The following SKP1 variants were observed in gnomAD, a reference collection of about 807,000 sequenced individuals.
SKP1 encodes S-phase kinase-associated protein 1.
In SKP1, 1 loss-of-function variant was observed where a neutral mutation model predicts 21.5. That is an observed-to-expected ratio of 0.05 (90% CI 0.02 to 0.22). The LOEUF (loss-of-function observed/expected upper bound fraction) is 0.22. Ranked by LOEUF, SKP1 falls within the 10% of genes least tolerant of loss-of-function variation. The pLI, the probability that SKP1 is intolerant of heterozygous loss-of-function variation, is 1.00. For missense variants in SKP1, 70 were observed against 192.0 expected (o/e 0.36, Z 3.76); for synonymous variants, 59 against 59.3 (o/e 0.99, Z 0.03).
At chr5:134,173,880 C>G (rs1339240303) in intron 2 of SKP1, 46 bp downstream of exon 2, 1 of 1,030,948 alleles carries the variant, frequency 9.7e-7, no homozygotes, top group Admixed American at 1.7e-5. Flanking sequence ...CACAAACTAT[C>G]TCAAATTACA....
intron 2 of SKP1, among the ~76,000 whole-genome samples, chr5:134,169,746 A>G (rs1273771607): frequency 6.6e-6 from 1 of 152,218 alleles, no homozygotes. Context: ...TCACGCCTGT[A>G]ATCCCAGCAC....
chr5:134,165,184 G>A (rs1301146930), intron 3 of SKP1, among the ~76,000 whole-genome samples: 1 of 152,228 alleles, frequency 6.6e-6, no homozygotes, highest in East Asian at 1.9e-4. Context: ...CACTGTGAAT[G>A]TAATTAATGT....
chr5:134,173,844 G>A (rs1245314332), intron 2 of SKP1, 82 bp downstream of exon 2: 1 of 820,746 alleles, frequency 1.2e-6, no homozygotes, highest in African/African-American at 1.7e-5. Context: ...CTTATGACAG[G>A]CTGCTGCTCA....
chr5:134,173,764 G>A (rs1265403953), intron 2 of SKP1, 162 bp downstream of exon 2: 4 of 696,942 alleles, frequency 5.7e-6, no homozygotes, highest in South Asian at 1.5e-5. Context: ...CAGAAAGGAT[G>A]ACCTGTATCA....
At chr5:134,161,220 T>A (rs1761212811) in intron 3 of SKP1, 90 bp from the exon 4 acceptor site, 2 of 1,161,894 alleles carry the variant, frequency 1.7e-6, no homozygotes, top group Admixed American at 5.3e-5. Context: ...ATTGGAATAA[T>A]AACTAGCTAG....
chr5:134,161,147 T>C lies in SKP1; in HGVS notation c.172-17A>G. On this transcript the variant is annotated splice_polypyrimidine_tract_variant and intron_variant, in intron 3 of 5. Transcript: ENST00000353411. ...CTGAATGACCTACAACAACAAAAGTTCATTCCTCTGTGGCACTTTGTCACA... is the reference window on the plus strand; with the variant it reads ...CTGAATGACCTACAACAACAAAAGTCCATTCCTCTGTGGCACTTTGTCACA... The C allele has an allele frequency of 1.3e-6, 2 of 1,578,398 alleles. No homozygotes were observed. Among genetic ancestry groups the C allele is most frequent in the Non-Finnish European group, 1.7e-6 (2 of 1,160,122 alleles).
chr5:134,170,118 C>T (rs1005150398), intron 2 of SKP1, among the ~76,000 whole-genome samples: 13 of 152,046 alleles, frequency 8.6e-5, no homozygotes, highest in Middle Eastern at 6.8e-3. Context: ...GCAGTGAGCC[C>T]GAGATTGCGC....
At chr5:134,168,640 T>C (rs1761379862) in intron 2 of SKP1, among the ~76,000 whole-genome samples, 1 of 151,726 alleles carries the variant, frequency 6.6e-6, no homozygotes, top group South Asian at 2.1e-4. Flanking sequence ...CTGGACAAGG[T>C]TTGTAGCTAA....
rs573040984 is a variant in SKP1, at chr5:134,156,073, G to C, written c.*1660C>G. 1 of 151,706 alleles carries C rather than the reference G, an allele frequency of 6.6e-6. No individual in the cohort carries two copies. Among genetic ancestry groups the C allele is most frequent in the South Asian group, 2.1e-4 (1 of 4,812 alleles). 9.4% of individuals were successfully genotyped at this position (151,706 alleles called of 1,614,324 possible). On this transcript the variant is annotated 3_prime_UTR_variant, in exon 6 of 6. Coordinates refer to ENST00000353411, the MANE Select transcript of SKP1 (RefSeq NM_170679.3). ...GTCCTCCCAAAATGTTGAGATTACAGGCATAAGCCACCATGCCCAGCTGCT... is the reference window on the plus strand; with the variant it reads ...GTCCTCCCAAAATGTTGAGATTACACGCATAAGCCACCATGCCCAGCTGCT...
rs1761096368 is a variant in SKP1, at chr5:134,154,688, C to T, written c.*3045G>A. ...AGCAGCATGTTGTTTACAGAGGAAA[C>T]CGACAAACATCCTTCAATCACCCAA... On this transcript the variant is annotated 3_prime_UTR_variant, in exon 6 of 6. Transcript: ENST00000353411. 1 of 152,102 alleles carries T rather than the reference C, an allele frequency of 6.6e-6. No homozygotes were observed. The highest frequency in any genetic ancestry group is 2.4e-5 in the African/African-American group (1 of 41,416). The allele number at this position is 152,102 out of a possible 1,614,324, so 9.4% of individuals were successfully genotyped here. A position where few individuals can be genotyped will look rare whatever the true frequency, so the allele number is the denominator to read the frequency against.
chr5:134,171,872 T>G (rs544322196), intron 2 of SKP1, among the ~76,000 whole-genome samples: 1 of 152,212 alleles, frequency 6.6e-6, no homozygotes, highest in East Asian at 1.9e-4. Flanking sequence ...TGGAGAAACC[T>G]CGTCTCTACT....
chr5:134,167,024 C>T, intron 3 of SKP1, 146 bp downstream of exon 3: 1 of 593,392 alleles, frequency 1.7e-6, no homozygotes, highest in South Asian at 2.2e-5. Flanking sequence ...AAACATCACT[C>T]AAGTAAGTGT....
chr5:134,169,273 G>A (rs1417447881), intron 2 of SKP1, among the ~76,000 whole-genome samples: 2 of 152,116 alleles, frequency 1.3e-5, no homozygotes, highest in African/African-American at 4.8e-5. Context: ...ATGTTATCTT[G>A]CATGGATGGA....
rs1580623110 is a variant in SKP1, at chr5:134,172,589, T to A, written c.97+1337A>T. Among the ~76,000 whole-genome samples the A allele has an allele frequency of 2.1e-5, 3 of 142,804 alleles. No individual in the cohort carries two copies. The Admixed American group carries it at 2.1e-4, about 10-fold the overall frequency. The allele number at this position is 142,804 out of a possible 152,430, so 93.7% of individuals were successfully genotyped here. A position where few individuals can be genotyped will look rare whatever the true frequency, so the allele number is the denominator to read the frequency against. ...GCTTGTTTAAAAAAAAAAAAAAAAA[T>A]TCTGCCTGGCAGAGTGGCTCATGCC... On this transcript the variant is annotated intron_variant, in intron 2 of 5. Transcript: ENST00000353411.
intron 1 of SKP1, among the ~76,000 whole-genome samples, chr5:134,176,335 G>A (rs1761545685): frequency 6.6e-6 from 1 of 152,130 alleles, no homozygotes. Context: ...CGCCAGACAC[G>A]GTGGAGAAAG....
At chr5:134,157,868 C>T (rs1399089420) in intron 5 of SKP1, 100 bp from the exon 6 acceptor site, 3 of 1,606,764 alleles carry the variant, frequency 1.9e-6, no homozygotes, top group Non-Finnish European at 2.5e-6. Flanking sequence ...TGAGTTGAGT[C>T]AGAAGAACAG....
At chr5:134,172,791 T>C (rs982526799) in intron 2 of SKP1, among the ~76,000 whole-genome samples, 2 of 151,908 alleles carry the variant, frequency 1.3e-5, no homozygotes, top group African/African-American at 4.8e-5. Context: ...GGCGGGTGGA[T>C]CGCAAGGTCA....
intron 1 of SKP1, chr5:134,174,885 A>C (rs1378299079): frequency 1.3e-5 from 2 of 152,194 alleles, no homozygotes; most frequent in Non-Finnish European, 2.9e-5. Flanking sequence ...TTAAAAAAGA[A>C]AACATACAAA....
Position 134,151,561 on chromosome 5 carries a change from G to C in SKP1, c.*6172C>G. ...TGAGAGCACTTTAAGGAAATAAGCT[G>C]ATCCTCAGTGTGCAATAAGAGGCTG... On this transcript the variant is annotated 3_prime_UTR_variant, in exon 6 of 6. Coordinates refer to ENST00000353411, the MANE Select transcript of SKP1 (RefSeq NM_170679.3). 1 of 399,054 alleles carries C rather than the reference G, an allele frequency of 2.5e-6. No homozygotes were observed. Among genetic ancestry groups the C allele is most frequent in the East Asian group, 7.3e-5 (1 of 13,778 alleles). The allele number at this position is 399,054 out of a possible 1,614,324, so 24.7% of individuals were successfully genotyped here. A position where few individuals can be genotyped will look rare whatever the true frequency, so the allele number is the denominator to read the frequency against.
Sources: allele counts gnomAD v4.1 joint callset (sites outside exome capture counted in the v4.1 genomes callset), GRCh38; gene constraint gnomAD v4.1.1; transcripts MANE v1.5; gene names NCBI Gene and HGNC (gene_info 2026-07-23, HGNC 2026-07-21).